Variants in COL16A1 observed in about 807,000 individuals in gnomAD.
COL16A1 encodes the protein collagen type XVI alpha 1 chain, also known as collagen alpha-1(XVI) chain.
Under a neutral mutation model 266.3 loss-of-function variants are expected in COL16A1, and 189 were observed. That is an observed-to-expected ratio of 0.71 (90% CI 0.63 to 0.80). COL16A1 has a LOEUF of 0.80. COL16A1 is among the 30% of genes least tolerant of loss of function. The pLI, the probability that COL16A1 is intolerant of heterozygous loss-of-function variation, is 0.00. For missense variants in COL16A1, 1,928 were observed against 2,122.4 expected (o/e 0.91, Z 1.80); for synonymous variants, 740 against 782.3 (o/e 0.95, Z 0.90).
In COL16A1 at chr1:31,699,902, G is replaced by A. The variant is rs1459589936; in HGVS notation, c.177C>T (p.Leu59=). The change falls in exon 4 of 71, where the codon CTC becomes CTT. Residue 59 remains leucine, a synonymous_variant. Transcript: ENST00000373672. ...TCTTCTTGATGGCAGACGTCTTCAT[G>A]AGGCTGAGTCGGTGGATGAGGTTGA... is the stretch of plus-strand genomic sequence containing the variant. The part of the protein sequence containing the change: ...TGFNLIHRLS[L]MKTSAIKKIR... The A allele has an allele frequency of 1.2e-6, 2 of 1,613,746 alleles. No homozygotes were observed. Among genetic ancestry groups the A allele is most frequent in the African/African-American group, 1.3e-5 (1 of 74,924 alleles).
chr1:31,681,124 G>C (rs929116061), intron 37 of COL16A1, 57 bp from the exon 38 acceptor site: 1 of 1,556,096 alleles, frequency 6.4e-7, no homozygotes, highest in Non-Finnish European at 8.6e-7. Flanking sequence ...CAGCCATCTG[G>C]CCTGCTGCAG....
chr1:31,656,314 C>T lies in COL16A1; in HGVS notation c.4101+86G>A. 6.4e-7 allele frequency: 1 copy of T among 1,565,178 alleles called. No homozygotes were observed. Among genetic ancestry groups the T allele is most frequent in the Non-Finnish European group, 8.6e-7 (1 of 1,156,096 alleles). Reference sequence around the variant, plus strand: ...CCTGCCCACTGGCCTTCCTGTGTCTCCTCTCTGTGGCTAAAGCCGTAACTT... The same window carrying T: ...CCTGCCCACTGGCCTTCCTGTGTCTTCTCTCTGTGGCTAAAGCCGTAACTT... On this transcript the variant is annotated intron_variant, in intron 66 of 70. Coordinates refer to ENST00000373672, the MANE Select transcript of COL16A1 (RefSeq NM_001856.4). This position sits in a 1 kb window ranked among gnomAD's most constrained non-coding sequence, Gnocchi z 4.2.
rs1641287068 is a variant in COL16A1 at position 31,657,660 on chromosome 1, ACTG to A, written c.4021-595_4021-593del. On this transcript the variant is annotated intron_variant, in intron 64 of 70. Coordinates refer to ENST00000373672, the MANE Select transcript of COL16A1 (RefSeq NM_001856.4). This position sits in a 1 kb window ranked among gnomAD's most constrained non-coding sequence, Gnocchi z 6.4. The stretch of plus-strand genomic sequence containing the variant: ...AGCCCAGGCCACCAGCCCCACGGTC[ACTG>A]CTGCTGCCCCCCAGAAAAAGTCTGC... 6.6e-6 allele frequency among the ~76,000 whole-genome samples: 1 copy of A among 152,174 alleles called. No homozygotes were observed. The highest frequency in any genetic ancestry group is 1.5e-5 in the Non-Finnish European group (1 of 68,028).
In COL16A1 at chr1:31,684,228, C is replaced by G. The variant is rs1472409425; in HGVS notation, c.2164G>C (p.Asp722His). 1.3e-6 allele frequency: 2 copies of G among 1,492,650 alleles called. No homozygotes were observed. Among genetic ancestry groups the G allele is most frequent in the South Asian group, 2.7e-5 (2 of 73,672 alleles). 92.5% of individuals were successfully genotyped at this position (1,492,650 alleles called of 1,614,324 possible). A position where few individuals can be genotyped will look rare whatever the true frequency, so the allele number is the denominator to read the frequency against. Reference protein sequence around the residue: ...GPAGPKGEKGDGCTACPSLQG... With the variant: ...GPAGPKGEKGHGCTACPSLQG... ...AGGCTGGGGCAGGCAGTGCAGCCAT[C>G]ACCCTGGTCAGAGATGGGTACAGCC... is the stretch of plus-strand genomic sequence containing the variant. Residue 722 changes from aspartate (D) to histidine (H), a missense_variant, in exon 32 of 71, where the codon GAT becomes CAT. This residue lies in a region of COL16A1 where 1,552 missense variants were observed against 1,637.2 expected (regional missense o/e 0.95). Coordinates refer to ENST00000373672, the MANE Select transcript of COL16A1 (RefSeq NM_001856.4).
intron 1 of COL16A1, among the ~76,000 whole-genome samples, chr1:31,702,639 C>G (rs1410047576): frequency 6.6e-6 from 1 of 152,156 alleles, no homozygotes; most frequent in Non-Finnish European, 1.5e-5. Flanking sequence ...TATTTCAAGT[C>G]TAGCATCTTG....
At chr1:31,690,327 C>T (rs1377516229) in intron 22 of COL16A1, 40 bp downstream of exon 22, 7 of 1,612,338 alleles carry the variant, frequency 4.3e-6, no homozygotes, top group Non-Finnish European at 5.9e-6. Context: ...AAGGGGGTCC[C>T]GTTCCCACCC....
rs1238729718 is a variant in COL16A1, at chr1:31,670,445, G to C, written c.3195+157C>G. 6 of 934,822 alleles carry C rather than the reference G, an allele frequency of 6.4e-6. No homozygotes were observed. The highest frequency in any genetic ancestry group is 5.4e-5 in the African/African-American group (3 of 55,616). The allele number at this position is 934,822 out of a possible 1,614,324, so 57.9% of individuals were successfully genotyped here. On this transcript the variant is annotated intron_variant, in intron 49 of 70. Transcript: ENST00000373672. The surrounding 1 kb of genome is among the most constrained non-coding windows in gnomAD (Gnocchi z 4.5). The stretch of plus-strand genomic sequence containing the variant: ...AGACTGGGAGGATGTCCAAGCTGCC[G>C]GGACCTCAGAGAACCCGTGTCGTTA...
At position 31,697,229 on chromosome 1, in the gene COL16A1, TA is replaced by T; in HGVS notation, c.728del (p.Leu243TyrfsTer51). On this transcript the variant is annotated frameshift_variant, in exon 7 of 71. Coordinates refer to ENST00000373672, the MANE Select transcript of COL16A1 (RefSeq NM_001856.4). LOFTEE classifies it high-confidence loss of function. This position sits in a 1 kb window ranked among gnomAD's most constrained non-coding sequence, Gnocchi z 4.2. ...GGGCCGGGCCACTCACCCCTGCTGG[TA>T]AAATCTCACAGCAGCCCTCCTCCAG... ...LVLEEGCCEILPAGCPPETSK... is the reference protein window; with the variant it reads ...LVLEEGCCEIXPAGCPPETSK... 1 of 1,613,202 alleles carries T rather than the reference TA, an allele frequency of 6.2e-7. No homozygotes were observed. The highest frequency in any genetic ancestry group is 8.5e-7 in the Non-Finnish European group (1 of 1,179,652).
rs1414062245 is a variant in COL16A1 at position 31,697,563 on chromosome 1, C to T, written c.658-263G>A. On this transcript the variant is annotated intron_variant, in intron 6 of 70. Coordinates refer to ENST00000373672, the MANE Select transcript of COL16A1 (RefSeq NM_001856.4). The surrounding 1 kb of genome is among the most constrained non-coding windows in gnomAD (Gnocchi z 4.2). ...CTTTGAAGGGCTGGTAGCTACTCAG[C>T]GGATGAGTATGCAAGGAAAGGCATT... 1.3e-5 allele frequency among the ~76,000 whole-genome samples: 2 copies of T among 152,134 alleles called. No homozygotes were observed. The highest frequency in any genetic ancestry group is 2.9e-5 in the Non-Finnish European group (2 of 68,040).
intron 16 of COL16A1, among the ~76,000 whole-genome samples, 154 bp from the exon 17 acceptor site, chr1:31,692,221 A>T (rs1644302978): frequency 6.6e-6 from 1 of 152,122 alleles, no homozygotes; most frequent in Non-Finnish European, 1.5e-5. Context: ...GGTAGACAAC[A>T]GACCAGACAA....
At chr1:31,680,796 G>C (rs1033092574) in intron 39 of COL16A1, 109 bp downstream of exon 39, 7 of 1,588,910 alleles carry the variant, frequency 4.4e-6, no homozygotes, top group African/African-American at 1.3e-5. Flanking sequence ...CTGGTTCATG[G>C]TGGGAAGGCT....
chr1:31,658,058 C>T (rs1570348118), intron 64 of COL16A1, among the ~76,000 whole-genome samples: 2 of 152,198 alleles, frequency 1.3e-5, no homozygotes, highest in South Asian at 4.1e-4. Context: ...CATCGGTGAC[C>T]GATATATCAG....
At chr1:31,687,317 G>C (rs1644029097) in intron 26 of COL16A1, among the ~76,000 whole-genome samples, 1 of 150,908 alleles carries the variant, frequency 6.6e-6, no homozygotes, top group Non-Finnish European at 1.5e-5. Flanking sequence ...GGGAGGTGGA[G>C]GTTGCAGTGA....
At chr1:31,679,408 C>T (rs4949461) in intron 42 of COL16A1, 1,531,909 of 1,541,742 alleles carry the variant, frequency 0.99, 761,525 homozygotes, top group East Asian at 1. Context: ...TGACAGCTGA[C>T]GCAACAGTGC....
At chr1:31,701,813 G>A (rs1230912928) in intron 2 of COL16A1, among the ~76,000 whole-genome samples, 2 of 152,132 alleles carry the variant, frequency 1.3e-5, no homozygotes, top group African/African-American at 2.4e-5. Flanking sequence ...TACGTATTGG[G>A]GTGGGAGGTT....
chr1:31,660,578 A>C lies in COL16A1; in HGVS notation c.3879+7T>G, dbSNP rs778823040. 4 of 1,613,908 alleles carry C rather than the reference A, an allele frequency of 2.5e-6. No homozygotes were observed. The African/African-American group carries it at 4.0e-5, about 16-fold the overall frequency. ...ATGGAGACAGAGACAAAAGTGGTTC[A>C]ACTCACAACGTGTCCCGGGGGACCG... On this transcript the variant is annotated splice_region_variant and intron_variant, in intron 62 of 70. Coordinates refer to ENST00000373672, the MANE Select transcript of COL16A1 (RefSeq NM_001856.4).
chr1:31,695,810 G>A, intron 9 of COL16A1, 23 bp from the exon 10 acceptor site: 1 of 1,610,692 alleles, frequency 6.2e-7, no homozygotes, highest in Non-Finnish European at 8.5e-7. Context: ...TGGGGGGTGT[G>A]GGAATGGGCA....
chr1:31,674,670 T>G (rs1189972433), intron 44 of COL16A1, among the ~76,000 whole-genome samples: 1 of 152,206 alleles, frequency 6.6e-6, no homozygotes, highest in Non-Finnish European at 1.5e-5. Flanking sequence ...TCTGCTTTGC[T>G]TTGGAAGCTG....
chr1:31,690,395 T>C lies in COL16A1; in HGVS notation c.1483-2A>G. ...CTCTCCCTTCACACCTGGCTTCCCCTGTTAGAAAAGAGGCAATGGGCATCA... is the reference window on the plus strand; with the variant it reads ...CTCTCCCTTCACACCTGGCTTCCCCCGTTAGAAAAGAGGCAATGGGCATCA... On this transcript the variant is annotated splice_acceptor_variant, in intron 21 of 70. Coordinates refer to ENST00000373672, the MANE Select transcript of COL16A1 (RefSeq NM_001856.4). LOFTEE classifies it high-confidence loss of function. 2 of 1,614,072 alleles carry C rather than the reference T, an allele frequency of 1.2e-6. No individual in the cohort carries two copies. The highest frequency in any genetic ancestry group is 1.7e-6 in the Non-Finnish European group (2 of 1,179,984).
Sources: allele counts gnomAD v4.1 joint callset (sites outside exome capture counted in the v4.1 genomes callset), GRCh38; gene constraint gnomAD v4.1.1; regional missense constraint gnomAD v4.1.1; non-coding constraint Gnocchi (gnomAD v3.1); transcripts MANE v1.5; gene names NCBI Gene and HGNC (gene_info 2026-07-23, HGNC 2026-07-21).